CHCHD3: variants seen among roughly 807,000 people sequenced by gnomAD.
The protein encoded by CHCHD3 is coiled-coil-helix-coiled-coil-helix domain containing 3.
A neutral mutation model predicts 38.2 loss-of-function variants in CHCHD3; 20 were observed. The observed-to-expected ratio is 0.52, with a 90% confidence interval of 0.37 to 0.76. The LOEUF is 0.76. CHCHD3 is among the 30% of genes least tolerant of loss of function. The pLI is 0.00. For missense variants in CHCHD3, 245 were observed against 279.2 expected (o/e 0.88, Z 0.87); for synonymous variants, 82 against 100.0 (o/e 0.82, Z 1.07).
chr7:133,067,913 T>G (rs886988026), intron 2 of CHCHD3, among the ~76,000 whole-genome samples: 1 of 152,060 alleles, frequency 6.6e-6, no homozygotes, highest in Admixed American at 6.5e-5. Flanking sequence ...TCAGGAGATT[T>G]AGACCATCCT....
chr7:132,943,014 A>C (rs753969481), intron 4 of CHCHD3, among the ~76,000 whole-genome samples: 2 of 152,172 alleles, frequency 1.3e-5, no homozygotes, highest in African/African-American at 2.4e-5. Context: ...AGAAAAAATA[A>C]AGGATAAAAA....
At position 133,065,767 on chromosome 7, in the gene CHCHD3, C is replaced by T. The variant is rs1201404239; in HGVS notation, c.169+4375G>A. Among the ~76,000 whole-genome samples, 6 of 152,114 alleles carry T rather than the reference C, an allele frequency of 3.9e-5. No homozygotes were observed. In the East Asian group the frequency reaches 5.8e-4, roughly 15 times the overall value. On this transcript the variant is annotated intron_variant, in intron 2 of 7. Transcript: ENST00000262570. ...AAAACATAAATGTTCAAGCTTCATG[C>T]TTTTATAAGCCTATTTTTTTAATTC...
chr7:133,014,995 G>A (rs1449347146), intron 3 of CHCHD3, among the ~76,000 whole-genome samples: 1 of 152,164 alleles, frequency 6.6e-6, no homozygotes, highest in Non-Finnish European at 1.5e-5. Flanking sequence ...CTGAACTCAT[G>A]AGAAATTTAA....
At chr7:133,046,963 A>T (rs1008973511) in intron 2 of CHCHD3, among the ~76,000 whole-genome samples, 1 of 152,208 alleles carries the variant, frequency 6.6e-6, no homozygotes, top group African/African-American at 2.4e-5. Flanking sequence ...ATCCAGTAGA[A>T]TGTACAGGTT....
At chr7:133,014,671 TAAAAA>T (rs34497795) in intron 3 of CHCHD3, among the ~76,000 whole-genome samples, 2 of 147,458 alleles carry the variant, frequency 1.4e-5, no homozygotes, top group Non-Finnish European at 3.0e-5. Flanking sequence ...TCTTCCATTT[TAAAAA>T]AAAAAAAGTC....
intron 2 of CHCHD3, among the ~76,000 whole-genome samples, chr7:133,069,411 A>T (rs1814757564): frequency 6.6e-6 from 1 of 152,150 alleles, no homozygotes; most frequent in South Asian, 2.1e-4. Flanking sequence ...CTTTCTAATA[A>T]GTACAGGAAA....
chr7:132,931,767 G>C (rs534118649), intron 4 of CHCHD3, among the ~76,000 whole-genome samples: 83 of 152,242 alleles, frequency 5.5e-4, no homozygotes, highest in African/African-American at 1.7e-3. Context: ...CAGTGTAAAT[G>C]AGCTTGTAAA....
chr7:133,006,654 C>T (rs1812708310), intron 3 of CHCHD3, among the ~76,000 whole-genome samples: 1 of 152,030 alleles, frequency 6.6e-6, no homozygotes, highest in Non-Finnish European at 1.5e-5. Context: ...TTAAGTAACA[C>T]AATTTCTTGA....
chr7:132,818,492 T>C (rs1477795073), intron 6 of CHCHD3, among the ~76,000 whole-genome samples: 1 of 152,174 alleles, frequency 6.6e-6, no homozygotes, highest in Non-Finnish European at 1.5e-5. Context: ...ATAATTAATA[T>C]AGACTGGTAT....
intron 4 of CHCHD3, among the ~76,000 whole-genome samples, chr7:132,904,399 T>C (rs957059649): frequency 6.6e-6 from 1 of 152,192 alleles, no homozygotes; most frequent in African/African-American, 2.4e-5. Flanking sequence ...AAGAATAGAA[T>C]ACAGATTATT....
At chr7:132,910,721 T>C (rs1809925165) in intron 4 of CHCHD3, among the ~76,000 whole-genome samples, 1 of 152,126 alleles carries the variant, frequency 6.6e-6, no homozygotes, top group African/African-American at 2.4e-5. Flanking sequence ...GGCTAGCAAT[T>C]ATATGCTTCT....
At chr7:132,840,753 AAAGT>A (rs1412075415) in intron 5 of CHCHD3, among the ~76,000 whole-genome samples, 1 of 152,194 alleles carries the variant, frequency 6.6e-6, no homozygotes, top group Non-Finnish European at 1.5e-5. Context: ...TAAATGGTAA[AAAGT>A]AAGTATTACT....
At chr7:132,941,304 G>A (rs1490238061) in intron 4 of CHCHD3, among the ~76,000 whole-genome samples, 1 of 152,112 alleles carries the variant, frequency 6.6e-6, no homozygotes, top group African/African-American at 2.4e-5. Flanking sequence ...CCCTGCAAGG[G>A]TGCAGTTACT....
chr7:132,934,160 C>T (rs1288041229), intron 4 of CHCHD3, among the ~76,000 whole-genome samples: 1 of 152,188 alleles, frequency 6.6e-6, no homozygotes, highest in Non-Finnish European at 1.5e-5. Flanking sequence ...TAAGGATTCA[C>T]CTGGGGATCT....
At chr7:132,914,618 T>A (rs767624067) in intron 4 of CHCHD3, among the ~76,000 whole-genome samples, 27 of 152,182 alleles carry the variant, frequency 1.8e-4, no homozygotes, top group Admixed American at 8.5e-4. Flanking sequence ...CACTTATCTT[T>A]TCCAGACAAC....
chr7:132,963,004 A>T, intron 4 of CHCHD3, among the ~76,000 whole-genome samples: 1 of 152,086 alleles, frequency 6.6e-6, no homozygotes. Flanking sequence ...GCTAAATATT[A>T]CAATAGTCAT....
chr7:132,996,938 G>A (rs775085675), intron 3 of CHCHD3, among the ~76,000 whole-genome samples: 7 of 152,160 alleles, frequency 4.6e-5, no homozygotes, highest in African/African-American at 7.2e-5. Context: ...ACTTCAAAAC[G>A]GCTAGGTAAA....
At chr7:132,938,800 G>A (rs1461824728) in intron 4 of CHCHD3, among the ~76,000 whole-genome samples, 1 of 152,102 alleles carries the variant, frequency 6.6e-6, no homozygotes, top group Non-Finnish European at 1.5e-5. Context: ...GAGCCCTGGG[G>A]AGATGAGGAG....
chr7:132,806,095 G>A (rs1252769335), intron 6 of CHCHD3, among the ~76,000 whole-genome samples: 1 of 152,176 alleles, frequency 6.6e-6, no homozygotes, highest in East Asian at 1.9e-4. Flanking sequence ...GGGTGACAGG[G>A]AAGGAAGATG....
Sources: gnomAD v4.1 joint callset for allele counts (sites outside exome capture counted in the v4.1 genomes callset) on GRCh38, gnomAD v4.1.1 for gene constraint, MANE v1.5 for transcripts, NCBI Gene and HGNC (gene_info 2026-07-23, HGNC 2026-07-21) for gene names.